PLIN3: variants seen among roughly 807,000 people sequenced by gnomAD.
PLIN3 encodes perilipin 3.
Under a neutral mutation model 35.9 loss-of-function variants are expected in PLIN3, and 30 were observed. That is an observed-to-expected ratio of 0.84 (90% CI 0.62 to 1.13). The LOEUF (loss-of-function observed/expected upper bound fraction) is 1.13, where lower values mean the gene tolerates loss of function less well. PLIN3 is among the 50% of genes most tolerant of loss of function. PLIN3 has a pLI of 0.00. For missense variants in PLIN3, 603 were observed against 596.9 expected (o/e 1.01, Z -0.11); for synonymous variants, 261 against 262.5 (o/e 0.99, Z 0.06).
At chr19:4,859,747 G>C (rs1373712349) in intron 3 of PLIN3, 75 bp from the exon 4 acceptor site, 1 of 1,596,184 alleles carries the variant, frequency 6.3e-7, no homozygotes, top group African/African-American at 1.3e-5. Context: ...ACAGGACCAA[G>C]AGCTGGGTAG....
chr19:4,866,544 G>A (rs1246184004), intron 1 of PLIN3: 2 of 152,176 alleles, frequency 1.3e-5, no homozygotes, highest in Non-Finnish European at 2.9e-5. Context: ...TGGCTTCCAC[G>A]GACAAAGGGG....
rs2030150512 is a variant in PLIN3 at position 4,847,734 on chromosome 19, C to G, written c.791G>C (p.Arg264Thr). The G allele has an allele frequency of 6.2e-7, 1 of 1,611,294 alleles. No individual in the cohort carries two copies. The highest frequency in any genetic ancestry group is 2.2e-5 in the East Asian group (1 of 44,776). Residue 264 changes from arginine (R) to threonine (T), a missense_variant, in exon 6 of 8, where the codon AGG becomes ACG. Arg to Thr is a moderately conservative substitution (Grantham distance 71). Coordinates refer to ENST00000221957, the MANE Select transcript of PLIN3 (RefSeq NM_005817.5). ...SLGKLRATKQ[R>T]AQEALLQLSQ... ...CAGCTGCAGCAGAGCCTCCTGTGCCCTCTGCTTGGTGGCTCGAAGCTTGCC... is the reference window on the plus strand; with the variant it reads ...CAGCTGCAGCAGAGCCTCCTGTGCCGTCTGCTTGGTGGCTCGAAGCTTGCC...
At chr19:4,859,327 G>A (rs2030586619) in intron 4 of PLIN3, among the ~76,000 whole-genome samples, 1 of 152,116 alleles carries the variant, frequency 6.6e-6, no homozygotes, top group South Asian at 2.1e-4. Context: ...TTCGAGACCA[G>A]CCCGGCCAAC....
At chr19:4,860,403 C>G (rs1421239979) in intron 2 of PLIN3, among the ~76,000 whole-genome samples, 1 of 151,910 alleles carries the variant, frequency 6.6e-6, no homozygotes, top group Non-Finnish European at 1.5e-5. Flanking sequence ...TGGGGTTTCA[C>G]CATGTTGGCC....
chr19:4,852,008 A>G lies in PLIN3; in HGVS notation c.634+8T>C. 5.0e-6 allele frequency: 8 copies of G among 1,608,712 alleles called. No homozygotes were observed. Among genetic ancestry groups the G allele is most frequent in the Non-Finnish European group, 6.8e-6 (8 of 1,176,254 alleles). ...GGGGTCCCAGAGCAGCCCGCTGGCC[A>G]CACTTACCCAGTTCGGCATCCGTAA... On this transcript the variant is annotated splice_region_variant and intron_variant, in intron 5 of 7. Coordinates refer to ENST00000221957, the MANE Select transcript of PLIN3 (RefSeq NM_005817.5).
chr19:4,839,137 T>C lies in PLIN3; in HGVS notation c.*55A>G, dbSNP rs2093624734. ...TTGAAATGAGCCCCGGGTTGAGGAC[T>C]CCAGAGCACAGCTGCATTATAGAGA... On this transcript the variant is annotated 3_prime_UTR_variant, in exon 8 of 8. Transcript: ENST00000221957. 3 of 1,416,872 alleles carry C rather than the reference T, an allele frequency of 2.1e-6. No individual in the cohort carries two copies. Among genetic ancestry groups the C allele is most frequent in the Admixed American group, 4.0e-5 (2 of 50,478 alleles). 87.8% of individuals were successfully genotyped at this position (1,416,872 alleles called of 1,614,324 possible). A position where few individuals can be genotyped will look rare whatever the true frequency, so the allele number is the denominator to read the frequency against.
chr19:4,851,293 C>T (rs1235072070), intron 5 of PLIN3, among the ~76,000 whole-genome samples: 1 of 151,984 alleles, frequency 6.6e-6, no homozygotes, highest in African/African-American at 2.4e-5. Flanking sequence ...AGTGAAACCC[C>T]GTTTCTACTA....
chr19:4,858,090 T>G (rs1242603307), intron 4 of PLIN3, among the ~76,000 whole-genome samples: 1 of 151,428 alleles, frequency 6.6e-6, no homozygotes, highest in Non-Finnish European at 1.5e-5. Flanking sequence ...CTGGCCAACT[T>G]GGTGAAACCC....
At chr19:4,847,918 T>G (rs2030163375) in intron 5 of PLIN3, 28 bp from the exon 6 acceptor site, 4 of 1,556,114 alleles carry the variant, frequency 2.6e-6, no homozygotes, top group Middle Eastern at 1.7e-4. Flanking sequence ...AGGGTCTCTG[T>G]GAAGACCAGA....
At chr19:4,845,838 G>T (rs906855505) in intron 6 of PLIN3, among the ~76,000 whole-genome samples, 3 of 151,008 alleles carry the variant, frequency 2.0e-5, no homozygotes, top group Non-Finnish European at 3.0e-5. Flanking sequence ...GCAAGAGAAT[G>T]GTGTGAACCA....
At position 4,852,025 on chromosome 19, in the gene PLIN3, C is replaced by G; in HGVS notation, c.625G>C (p.Ala209Pro). Residue 209 changes from alanine to proline, a missense_variant, in exon 5 of 8, where the codon GCC becomes CCC. Physicochemically the swap from Ala to Pro is conservative, Grantham distance 27. Coordinates refer to ENST00000221957, the MANE Select transcript of PLIN3 (RefSeq NM_005817.5). Reference sequence around the variant, plus strand: ...CGCTGGCCACACTTACCCAGTTCGGCATCCGTAAGGGGCAGGTGGTTGTCC... The same window carrying G: ...CGCTGGCCACACTTACCCAGTTCGGGATCCGTAAGGGGCAGGTGGTTGTCC... Reference protein sequence around the residue: ...WADNHLPLTDAELARIATSLD... With the variant: ...WADNHLPLTDPELARIATSLD... 1 of 1,613,296 alleles carries G rather than the reference C, an allele frequency of 6.2e-7. No individual in the cohort carries two copies.
chr19:4,860,663 G>C (rs2030644615), intron 2 of PLIN3, among the ~76,000 whole-genome samples: 1 of 152,016 alleles, frequency 6.6e-6, no homozygotes, highest in Non-Finnish European at 1.5e-5. Context: ...CGCACCACTT[G>C]ATTTTTAAAT....
At chr19:4,841,256 A>C (rs1679326183) in intron 7 of PLIN3, among the ~76,000 whole-genome samples, 1 of 152,178 alleles carries the variant, frequency 6.6e-6, no homozygotes, top group South Asian at 2.1e-4. Flanking sequence ...TGATCCACCC[A>C]TACAACAGAA....
At chr19:4,867,420 T>A (rs2030894984) in intron 1 of PLIN3, among the ~76,000 whole-genome samples, 189 bp downstream of exon 1, 1 of 152,058 alleles carries the variant, frequency 6.6e-6, no homozygotes, top group South Asian at 2.1e-4. Flanking sequence ...AAGTCTGAGC[T>A]TCGTTGCAGA....
At chr19:4,850,587 ATTTTTTTTTTTTTT>A (rs71170860) in intron 5 of PLIN3, among the ~76,000 whole-genome samples, 2 of 124,644 alleles carry the variant, frequency 1.6e-5, no homozygotes, top group Non-Finnish European at 3.2e-5. Context: ...CGCCCGGCTA[ATTTTTTTTTTTTTT>A]TTTTTTTTTT....
At chr19:4,850,677 GC>G (rs1411970939) in intron 5 of PLIN3, among the ~76,000 whole-genome samples, 1 of 29,384 alleles carries the variant, frequency 3.4e-5, no homozygotes, top group African/African-American at 1.7e-4. Context: ...CCTGTGATCC[GC>G]CCGGCCTTGG....
rs1314745522 is a variant in PLIN3 at position 4,847,140 on chromosome 19, A to G, written c.834+551T>C. On this transcript the variant is annotated intron_variant, in intron 6 of 7. Transcript: ENST00000221957. ...CCTGACCTCGTGATCCACCCGCCTC[A>G]GCCTCCCAAAGTGCTGGGATTACAG... Among the ~76,000 whole-genome samples, 3 of 151,454 alleles carry G rather than the reference A, an allele frequency of 2.0e-5. No individual in the cohort carries two copies. The Admixed American group carries it at 2.0e-4, about 10-fold the overall frequency.
At chr19:4,849,890 A>T (rs2030229751) in intron 5 of PLIN3, among the ~76,000 whole-genome samples, 1 of 151,012 alleles carries the variant, frequency 6.6e-6, no homozygotes, top group Non-Finnish European at 1.5e-5. Flanking sequence ...TGACCATGTG[A>T]TCCAGCTGCC....
At chr19:4,851,415 G>C (rs2030286518) in intron 5 of PLIN3, among the ~76,000 whole-genome samples, 1 of 152,118 alleles carries the variant, frequency 6.6e-6, no homozygotes, top group Non-Finnish European at 1.5e-5. Context: ...AGTGAGCTGA[G>C]ATCACGCCAT....
Sources: gnomAD v4.1 joint callset for allele counts (sites outside exome capture counted in the v4.1 genomes callset) on GRCh38, gnomAD v4.1.1 for gene constraint, MANE v1.5 for transcripts, NCBI Gene and HGNC (gene_info 2026-07-23, HGNC 2026-07-21) for gene names.